CHRM3: variants seen among roughly 807,000 people sequenced by gnomAD.
CHRM3 encodes cholinergic receptor muscarinic 3.
CHRM3 carries 11 observed loss-of-function variants against 41.8 expected under a neutral mutation model. That is an observed-to-expected ratio of 0.26 (90% CI 0.17 to 0.44). The LOEUF (loss-of-function observed/expected upper bound fraction) is 0.44, where lower values mean the gene tolerates loss of function less well. CHRM3 is among the 20% of genes least tolerant of loss of function. The pLI is 1.00. For synonymous variants in CHRM3, 297 were observed against 301.4 expected (o/e 0.99, Z 0.15); for missense variants, 571 against 745.4 (o/e 0.77, Z 2.72).
chr1:239,566,472 G>A (rs1661372022), intron 3 of CHRM3, among the ~76,000 whole-genome samples: 1 of 152,186 alleles, frequency 6.6e-6, no homozygotes, highest in African/African-American at 2.4e-5. Flanking sequence ...GGAAAATGTT[G>A]TTATTAAAAC....
chr1:239,789,103 A>G (rs1179981676), intron 5 of CHRM3, among the ~76,000 whole-genome samples: 1 of 152,146 alleles, frequency 6.6e-6, no homozygotes, highest in East Asian at 1.9e-4. Flanking sequence ...GTGGTCTCCA[A>G]GGTCACACTA....
chr1:239,716,696 A>C (rs1035157279), intron 5 of CHRM3, among the ~76,000 whole-genome samples: 1 of 152,218 alleles, frequency 6.6e-6, no homozygotes, highest in Admixed American at 6.6e-5. Flanking sequence ...AGAATTAAAA[A>C]AAGAAGAGGA....
At chr1:239,551,321 C>T (rs575304855) in intron 3 of CHRM3, among the ~76,000 whole-genome samples, 1 of 151,378 alleles carries the variant, frequency 6.6e-6, no homozygotes, top group Non-Finnish European at 1.5e-5. Context: ...CACCACCACG[C>T]CTGGCTAATT....
chr1:239,904,414 T>C (rs1023282495), intron 6 of CHRM3, among the ~76,000 whole-genome samples: 3 of 152,170 alleles, frequency 2.0e-5, no homozygotes, highest in Non-Finnish European at 4.4e-5. Context: ...GACAGGGTGT[T>C]GACCTGATTA....
intron 5 of CHRM3, among the ~76,000 whole-genome samples, chr1:239,791,049 G>GA (rs35541531): frequency 0.048 from 5,514 of 115,514 alleles, 280 homozygotes; most frequent in African/African-American, 0.13. Context: ...CGCTCCTGGA[G>GA]AAAAAAAAAA....
chr1:239,901,726 A>G (rs1348843335), intron 6 of CHRM3, among the ~76,000 whole-genome samples: 1 of 152,130 alleles, frequency 6.6e-6, no homozygotes, highest in East Asian at 1.9e-4. Flanking sequence ...CCTTTTATGA[A>G]TGACCTCATT....
intron 5 of CHRM3, among the ~76,000 whole-genome samples, chr1:239,817,676 G>A (rs545269280): frequency 6.6e-5 from 10 of 151,492 alleles, no homozygotes; most frequent in African/African-American, 1.9e-4. Flanking sequence ...CTCCTCCCTC[G>A]AAAACTCACA....
intron 3 of CHRM3, among the ~76,000 whole-genome samples, chr1:239,575,558 T>G (rs527719050): frequency 2.0e-5 from 3 of 152,140 alleles, no homozygotes; most frequent in Admixed American, 6.6e-5. Flanking sequence ...CCAGTTTTTT[T>G]GGGTTCTGTG....
intron 5 of CHRM3, among the ~76,000 whole-genome samples, chr1:239,809,347 C>T (rs570284438): frequency 6.6e-6 from 1 of 152,016 alleles, no homozygotes; most frequent in Admixed American, 6.5e-5. Flanking sequence ...ATCCAAAGGC[C>T]TTAGAAGGTC....
chr1:239,522,020 G>C (rs1037399982), intron 2 of CHRM3, among the ~76,000 whole-genome samples: 5 of 151,184 alleles, frequency 3.3e-5, no homozygotes, highest in African/African-American at 9.7e-5. Context: ...ACTGAATATT[G>C]TTTTCTTTTC....
At chr1:239,808,927 A>C (rs972042894) in intron 5 of CHRM3, among the ~76,000 whole-genome samples, 1 of 151,868 alleles carries the variant, frequency 6.6e-6, no homozygotes, top group African/African-American at 2.4e-5. Flanking sequence ...TAAGCACTGC[A>C]TGTTACTTTT....
chr1:239,757,631 G>GAAA (rs34824685), intron 5 of CHRM3, among the ~76,000 whole-genome samples: 123 of 128,156 alleles, frequency 9.6e-4, no homozygotes, highest in Non-Finnish European at 1.7e-3. Context: ...CTCCGTCTCA[G>GAAA]AAAAAAAAAA....
chr1:239,583,622 G>T (rs1249006223), intron 3 of CHRM3, among the ~76,000 whole-genome samples: 1 of 152,092 alleles, frequency 6.6e-6, no homozygotes, highest in African/African-American at 2.4e-5. Flanking sequence ...TACTAGTTCT[G>T]ACTTGCTTTT....
At chr1:239,764,543 G>A (rs115060677) in intron 5 of CHRM3, among the ~76,000 whole-genome samples, 1,939 of 152,270 alleles carry the variant, frequency 0.013, 38 homozygotes, top group African/African-American at 0.044. Flanking sequence ...AGTGGAATAG[G>A]GGTTTGAGGA....
At chr1:239,415,384 G>T (rs2103068278) in intron 1 of CHRM3, among the ~76,000 whole-genome samples, 1 of 152,268 alleles carries the variant, frequency 6.6e-6, no homozygotes, top group South Asian at 2.1e-4. Flanking sequence ...AGGTTGCAGT[G>T]AGCTGAGACT....
chr1:239,549,357 T>G (rs1442156376), intron 3 of CHRM3, among the ~76,000 whole-genome samples: 2 of 151,966 alleles, frequency 1.3e-5, no homozygotes, highest in East Asian at 3.9e-4. Context: ...TATGTATGTC[T>G]TTAGAAGTCT....
At chr1:239,774,816 G>C (rs552166533) in intron 5 of CHRM3, among the ~76,000 whole-genome samples, 1 of 152,230 alleles carries the variant, frequency 6.6e-6, no homozygotes, top group East Asian at 1.9e-4. Context: ...CAGAGGAAAG[G>C]ACATTGTTTA....
intron 5 of CHRM3, among the ~76,000 whole-genome samples, chr1:239,747,647 G>A (rs1272877748): frequency 6.6e-6 from 1 of 152,170 alleles, no homozygotes; most frequent in African/African-American, 2.4e-5. Context: ...CTTGCTTTGA[G>A]AATGTGTGGC....
At chr1:239,767,063 A>G (rs1268848581) in intron 5 of CHRM3, among the ~76,000 whole-genome samples, 1 of 152,220 alleles carries the variant, frequency 6.6e-6, no homozygotes, top group Non-Finnish European at 1.5e-5. Context: ...GTAGACAGAA[A>G]GGATATTTGC....
Sources: allele counts gnomAD v4.1 joint callset (sites outside exome capture counted in the v4.1 genomes callset), GRCh38; gene constraint gnomAD v4.1.1; transcripts MANE v1.5; gene names NCBI Gene and HGNC (gene_info 2026-07-23, HGNC 2026-07-21).